Variants in GRM3 observed in about 807,000 individuals in gnomAD.
GRM3 encodes metabotropic glutamate receptor 3.
A neutral mutation model predicts 70.5 loss-of-function variants in GRM3; 26 were observed. The ratio of observed to expected loss-of-function variants is 0.37; its 90% confidence interval spans 0.27 to 0.51. The LOEUF (loss-of-function observed/expected upper bound fraction) is 0.51, where lower values mean the gene tolerates loss of function less well. GRM3 is among the 20% of genes least tolerant of loss of function. GRM3 has a pLI of 0.93. For synonymous variants in GRM3, 443 were observed against 434.9 expected (o/e 1.02, Z -0.23); for missense variants, 859 against 1,123.8 (o/e 0.76, Z 3.37).
At chr7:86,678,209 T>A (rs1334847616) in intron 1 of GRM3, among the ~76,000 whole-genome samples, 1 of 152,018 alleles carries the variant, frequency 6.6e-6, no homozygotes, top group Non-Finnish European at 1.5e-5. Flanking sequence ...TATCTGGTTT[T>A]CAAATTTTCT....
At chr7:86,759,685 G>A (rs1008652916) in intron 1 of GRM3, among the ~76,000 whole-genome samples, 1 of 152,060 alleles carries the variant, frequency 6.6e-6, no homozygotes. Context: ...ATAGCACAAA[G>A]TATATGGGAA....
At chr7:86,669,798 T>C (rs1794125230) in intron 1 of GRM3, among the ~76,000 whole-genome samples, 1 of 152,194 alleles carries the variant, frequency 6.6e-6, no homozygotes, top group Non-Finnish European at 1.5e-5. Context: ...CTTACCTTTA[T>C]GATTAAGCTT....
At chr7:86,805,092 C>A (rs1797761487) in intron 3 of GRM3, among the ~76,000 whole-genome samples, 1 of 151,874 alleles carries the variant, frequency 6.6e-6, no homozygotes. Flanking sequence ...CCAGCCTGAG[C>A]CACAGAGTGA....
intron 1 of GRM3, among the ~76,000 whole-genome samples, chr7:86,693,864 G>A (rs1174453905): frequency 6.6e-6 from 1 of 152,158 alleles, no homozygotes; most frequent in African/African-American, 2.4e-5. Flanking sequence ...CCACGGAAGA[G>A]CTTTGAACTT....
rs897647490 is a variant in GRM3, at chr7:86,711,189, T to TTTA, written c.-140-53806_-140-53804dup. Among the ~76,000 whole-genome samples the TTTA allele has an allele frequency of 8.0e-4, 122 of 151,802 alleles. 1 individual carries two copies. The highest frequency in any genetic ancestry group is 2.7e-3 in the African/African-American group (110 of 41,480). ...TTAATTTAATTTAATTTAATTTTAT[T>TTTA]TTATTATTATTATACTTTAAGTTTT... On this transcript the variant is annotated intron_variant, in intron 1 of 5. Transcript: ENST00000361669.
intron 4 of GRM3, among the ~76,000 whole-genome samples, chr7:86,846,546 G>A (rs996121493): frequency 6.6e-6 from 1 of 152,156 alleles, no homozygotes; most frequent in Non-Finnish European, 1.5e-5. Context: ...TTAGAATCAA[G>A]TGAATCTGAA....
intron 3 of GRM3, among the ~76,000 whole-genome samples, chr7:86,789,430 A>C (rs566729772): frequency 6.6e-6 from 1 of 152,352 alleles, no homozygotes; most frequent in South Asian, 2.1e-4. Flanking sequence ...AAATATATGT[A>C]TATTTTTAAC....
chr7:86,770,914 A>G (rs1796722977), intron 2 of GRM3, among the ~76,000 whole-genome samples: 1 of 152,090 alleles, frequency 6.6e-6, no homozygotes, highest in South Asian at 2.1e-4. Flanking sequence ...GCTGTCCTGT[A>G]CATGGTAAGA....
chr7:86,648,090 G>T (rs147473648), intron 1 of GRM3, among the ~76,000 whole-genome samples: 1 of 152,262 alleles, frequency 6.6e-6, no homozygotes, highest in African/African-American at 2.4e-5. Context: ...AAATACAAAA[G>T]CTTCACACAG....
intron 4 of GRM3, among the ~76,000 whole-genome samples, chr7:86,840,180 T>C (rs575092702): frequency 6.6e-6 from 1 of 152,272 alleles, no homozygotes; most frequent in South Asian, 2.1e-4. Flanking sequence ...GGAGATAAAA[T>C]GTAATACACG....
chr7:86,831,464 C>A, intron 3 of GRM3, among the ~76,000 whole-genome samples: 1 of 152,208 alleles, frequency 6.6e-6, no homozygotes, highest in East Asian at 1.9e-4. Flanking sequence ...CTGTAGTTCA[C>A]ATTAAAGAAG....
At chr7:86,760,459 T>G (rs1396913562) in intron 1 of GRM3, among the ~76,000 whole-genome samples, 1 of 152,098 alleles carries the variant, frequency 6.6e-6, no homozygotes, top group Admixed American at 6.6e-5. Flanking sequence ...ACTGTAGAGA[T>G]GCAATTCTCC....
intron 3 of GRM3, among the ~76,000 whole-genome samples, chr7:86,819,067 C>A (rs1161166721): frequency 2.6e-5 from 4 of 152,062 alleles, no homozygotes; most frequent in African/African-American, 7.2e-5. Context: ...TAAAATGTAT[C>A]CCCACGGAGT....
chr7:86,863,048 C>CA (rs1341240535), intron 5 of GRM3, among the ~76,000 whole-genome samples: 1 of 152,088 alleles, frequency 6.6e-6, no homozygotes, highest in African/African-American at 2.4e-5. Context: ...AGAGTATATA[C>CA]AAATAGACAG....
At chr7:86,645,108 T>C (rs1021775902) in intron 1 of GRM3, 5 of 344,914 alleles carry the variant, frequency 1.4e-5, no homozygotes, top group African/African-American at 8.7e-5. Flanking sequence ...TTTCAGGGCA[T>C]AGATCTGCGG....
intron 1 of GRM3, among the ~76,000 whole-genome samples, chr7:86,655,742 C>A (rs1181452822): frequency 6.6e-6 from 1 of 151,284 alleles, no homozygotes; most frequent in African/African-American, 2.4e-5. Context: ...GGAAGGTAGG[C>A]GAAAACAAGA....
chr7:86,763,144 G>A lies in GRM3; in HGVS notation c.-140-1862G>A, dbSNP rs114018124. ...CTAACATTTGCTAATTTATCTGAGA[G>A]CACATGAATAGTGTGGCTTTTAGGC... is the stretch of plus-strand genomic sequence containing the variant. On this transcript the variant is annotated intron_variant, in intron 1 of 5. Coordinates refer to ENST00000361669, the MANE Select transcript of GRM3 (RefSeq NM_000840.3). Among the ~76,000 whole-genome samples the A allele has an allele frequency of 3.0e-3, 464 of 152,242 alleles. 1 individual carries two copies. The highest frequency in any genetic ancestry group is 0.011 in the African/African-American group (439 of 41,552).
intron 1 of GRM3, among the ~76,000 whole-genome samples, chr7:86,721,457 A>G (rs1795460401): frequency 6.6e-6 from 1 of 152,138 alleles, no homozygotes; most frequent in African/African-American, 2.4e-5. Flanking sequence ...TATAGCATAT[A>G]TTCTTCCATG....
intron 3 of GRM3, among the ~76,000 whole-genome samples, chr7:86,804,678 TG>T (rs573284260): frequency 4.6e-4 from 70 of 152,344 alleles, no homozygotes; most frequent in African/African-American, 1.6e-3. Flanking sequence ...CCCAAAGTGC[TG>T]GGATTATAGG....
Sources: allele counts gnomAD v4.1 joint callset (sites outside exome capture counted in the v4.1 genomes callset), GRCh38; gene constraint gnomAD v4.1.1; transcripts MANE v1.5; gene names NCBI Gene and HGNC (gene_info 2026-07-23, HGNC 2026-07-21).